GADL1: variants seen among roughly 807,000 people sequenced by gnomAD.
GADL1 encodes the protein acidic amino acid decarboxylase GADL1.
A neutral mutation model predicts 69.5 loss-of-function variants in GADL1; 71 were observed. The ratio of observed to expected loss-of-function variants is 1.02; its 90% CI spans 0.84 to 1.25. The LOEUF is 1.25. Ranked by LOEUF, GADL1 falls within the 50% of genes most tolerant of loss-of-function variation. GADL1 has a pLI of 0.00. For missense variants in GADL1, 737 were observed against 631.8 expected, an observed-to-expected ratio of 1.17 and a Z score of -1.79; for synonymous variants, 254 against 214.4, an observed-to-expected ratio of 1.18 and a Z score of -1.62.
intron 1 of GADL1, among the ~76,000 whole-genome samples, chr3:30,876,855 A>G (rs1222980564): frequency 6.6e-6 from 1 of 151,962 alleles, no homozygotes; most frequent in Non-Finnish European, 1.5e-5. Flanking sequence ...AGAGTTACCC[A>G]GCAGGATTAA....
intron 14 of GADL1, among the ~76,000 whole-genome samples, chr3:30,766,267 A>AGG (rs938003646): frequency 6.6e-6 from 1 of 152,148 alleles, no homozygotes; most frequent in Non-Finnish European, 1.5e-5. Flanking sequence ...AAATACTAGG[A>AGG]GGTAGGAATG....
intron 12 of GADL1, chr3:30,799,653 A>T (rs936970741): frequency 1.3e-5 from 2 of 152,148 alleles, no homozygotes; most frequent in Admixed American, 6.5e-5. Flanking sequence ...TCCTCAAAAA[A>T]TGGGTTTTTT....
intron 14 of GADL1, among the ~76,000 whole-genome samples, chr3:30,737,305 G>C (rs1695553761): frequency 6.6e-6 from 1 of 152,084 alleles, no homozygotes; most frequent in Non-Finnish European, 1.5e-5. Context: ...TGACAGAAGA[G>C]GGGAGAGGAA....
At position 30,844,235 on chromosome 3, in the gene GADL1, T is replaced by G. The variant is rs762622976; in HGVS notation, c.761A>C (p.Lys254Thr). The change falls in exon 8 of 15, where the codon AAG (lysine) becomes ACG (threonine). Residue 254 changes from lysine to threonine, a missense_variant. Coordinates refer to ENST00000282538, the MANE Select transcript of GADL1 (RefSeq NM_207359.3). ...CTCTTTTCTGGCTTGCCAGACTTGCTTCTCCAGTTCCTCAGGTATCATTTT... is the reference window on the plus strand; with the variant it reads ...CTCTTTTCTGGCTTGCCAGACTTGCGTCTCCAGTTCCTCAGGTATCATTTT... The part of the protein sequence containing the change: ...RGKMIPEELE[K>T]QVWQARKEGA... 1 of 1,612,838 alleles carries G rather than the reference T, an allele frequency of 6.2e-7. No homozygotes were observed. Among genetic ancestry groups the G allele is most frequent in the Admixed American group, 1.7e-5 (1 of 59,770 alleles).
intron 11 of GADL1, among the ~76,000 whole-genome samples, chr3:30,824,850 T>A (rs555023677): frequency 6.6e-6 from 1 of 152,082 alleles, no homozygotes; most frequent in South Asian, 2.1e-4. Flanking sequence ...TATTTTAATC[T>A]GTGTGAGAAT....
intron 14 of GADL1, among the ~76,000 whole-genome samples, chr3:30,776,085 G>GGGA (rs374539450): frequency 2.0e-5 from 3 of 148,106 alleles, no homozygotes; most frequent in African/African-American, 7.4e-5. Flanking sequence ...CTCCGTCTTG[G>GGGA]AAAAAAAAAA....
Position 30,782,426 on chromosome 3 carries a change from G to GTA in GADL1, c.1302+3927_1302+3928dup, listed in dbSNP as rs199713461. ...ACTTAGCGGGGAAGAAAAGGAGATA[G>GTA]TAAAAACATCAAGATTTTTGGTTAG... On this transcript the variant is annotated intron_variant, in intron 13 of 14. Coordinates refer to ENST00000282538, the MANE Select transcript of GADL1 (RefSeq NM_207359.3). 1.7e-3 allele frequency among the ~76,000 whole-genome samples: 253 copies of GTA among 152,206 alleles called. 6 individuals are homozygous for GTA. The East Asian group carries it at 0.043, about 26-fold the overall frequency.
intron 14 of GADL1, among the ~76,000 whole-genome samples, chr3:30,732,256 C>T (rs549866126): frequency 1.3e-5 from 2 of 152,272 alleles, no homozygotes; most frequent in African/African-American, 4.8e-5. Flanking sequence ...GATACCACCC[C>T]TAAATGGGGC....
At chr3:30,813,942 C>T (rs1697408754) in intron 11 of GADL1, among the ~76,000 whole-genome samples, 1 of 152,278 alleles carries the variant, frequency 6.6e-6, no homozygotes, top group South Asian at 2.1e-4. Context: ...TGACAAAAAA[C>T]GTTTCCACTA....
chr3:30,863,806 T>A (rs1698356821), intron 1 of GADL1, among the ~76,000 whole-genome samples: 1 of 133,614 alleles, frequency 7.5e-6, no homozygotes, highest in African/African-American at 2.6e-5. Context: ...AGACTCCACC[T>A]TCTCCTCAAA....
At chr3:30,884,816 G>T (rs557131760) in intron 1 of GADL1, among the ~76,000 whole-genome samples, 1 of 151,986 alleles carries the variant, frequency 6.6e-6, no homozygotes, top group South Asian at 2.1e-4. Context: ...GAGGGAGGAA[G>T]GTAGAAAATA....
chr3:30,759,190 GCAGCCCAGTTCTAGGGTAGGACTTAGA>G (rs1696058607), intron 14 of GADL1, among the ~76,000 whole-genome samples: 1 of 152,146 alleles, frequency 6.6e-6, no homozygotes, highest in Non-Finnish European at 1.5e-5. Flanking sequence ...AGCTCCCTGG[GCAGCCCAGTTCTAGGGTAGGACTTAGA>G]CATCTGTCTC....
intron 11 of GADL1, among the ~76,000 whole-genome samples, chr3:30,825,098 G>A (rs1697661332): frequency 1.3e-5 from 2 of 151,918 alleles, no homozygotes; most frequent in Admixed American, 1.3e-4. Context: ...TATGTTTGCT[G>A]TGCAAGGGTA....
intron 1 of GADL1, among the ~76,000 whole-genome samples, chr3:30,873,832 C>G (rs909936666): frequency 6.6e-6 from 1 of 151,886 alleles, no homozygotes; most frequent in Non-Finnish European, 1.5e-5. Flanking sequence ...TCTAGGTGAA[C>G]AGGAGGCACT....
intron 14 of GADL1, among the ~76,000 whole-genome samples, chr3:30,730,142 T>C (rs1695433827): frequency 6.6e-6 from 1 of 152,192 alleles, no homozygotes; most frequent in Non-Finnish European, 1.5e-5. Flanking sequence ...GTCCAGTTGA[T>C]GCTGGAAGCC....
chr3:30,863,226 C>G (rs1329599851), intron 1 of GADL1, among the ~76,000 whole-genome samples: 1 of 151,954 alleles, frequency 6.6e-6, no homozygotes, highest in African/African-American at 2.4e-5. Context: ...ATTACAGATA[C>G]TGCTTTGTCC....
chr3:30,823,142 T>C (rs890463372), intron 11 of GADL1, among the ~76,000 whole-genome samples: 2 of 151,914 alleles, frequency 1.3e-5, no homozygotes, highest in African/African-American at 4.8e-5. Context: ...GGATATAAAC[T>C]ACTGGGAGGT....
intron 14 of GADL1, among the ~76,000 whole-genome samples, chr3:30,769,579 G>GA (rs1696369875): frequency 3.3e-5 from 5 of 151,962 alleles, no homozygotes; most frequent in African/African-American, 9.7e-5. Context: ...GAACATCTAG[G>GA]AAGATAGACA....
At chr3:30,797,280 G>T (rs1697053424) in intron 12 of GADL1, among the ~76,000 whole-genome samples, 1 of 152,058 alleles carries the variant, frequency 6.6e-6, no homozygotes, top group African/African-American at 2.4e-5. Flanking sequence ...ACCTCTAGGG[G>T]GAAAACAATT....
Sources: allele counts gnomAD v4.1 joint callset (sites outside exome capture counted in the v4.1 genomes callset), GRCh38; gene constraint gnomAD v4.1.1; transcripts MANE v1.5; gene names NCBI Gene and HGNC (gene_info 2026-07-23, HGNC 2026-07-21).